The following ITGB3 variants were observed in gnomAD, a reference collection of about 807,000 sequenced individuals.
The protein encoded by ITGB3 is integrin beta-3.
ITGB3 carries 48 observed loss-of-function variants against 85.8 expected under a neutral mutation model. That is an observed-to-expected ratio of 0.56 (90% CI 0.44 to 0.71). ITGB3 has a LOEUF of 0.71. Among genes scored for constraint, ITGB3 ranks in the 30% least tolerant of loss-of-function variants. The pLI is 0.00. For missense variants in ITGB3, 861 were observed against 1,019.1 expected, an observed-to-expected ratio of 0.84 and a Z score of 2.11; for synonymous variants, 363 against 395.6, an observed-to-expected ratio of 0.92 and a Z score of 0.98.
At chr17:47,285,428 A>G (rs1429374158) in intron 4 of ITGB3, among the ~76,000 whole-genome samples, 1 of 152,152 alleles carries the variant, frequency 6.6e-6, no homozygotes, top group East Asian at 1.9e-4. Flanking sequence ...CCTAGGCAAC[A>G]TAGTGAGACC....
At chr17:47,275,681 G>A (rs2065061176) in intron 2 of ITGB3, among the ~76,000 whole-genome samples, 1 of 152,220 alleles carries the variant, frequency 6.6e-6, no homozygotes, top group East Asian at 1.9e-4. Flanking sequence ...CTGGGAGGCT[G>A]TGTTTATCAC....
chr17:47,258,781 C>A (rs2149058851), intron 1 of ITGB3, among the ~76,000 whole-genome samples: 1 of 152,294 alleles, frequency 6.6e-6, no homozygotes, highest in South Asian at 2.1e-4. Flanking sequence ...CTACCCTCAA[C>A]CCTCGTCGGT....
chr17:47,260,218 A>C (rs2149059314), intron 1 of ITGB3, among the ~76,000 whole-genome samples: 1 of 152,280 alleles, frequency 6.6e-6, no homozygotes, highest in East Asian at 1.9e-4. Context: ...CTTTTTCATC[A>C]GCTTGCTGGG....
chr17:47,292,169 G>A lies in ITGB3; in HGVS notation c.1291G>A (p.Gly431Ser). ...VSFSIEAKVRGCPQEKEKSFT... is the reference protein window; with the variant it reads ...VSFSIEAKVRSCPQEKEKSFT... ...CTTCAGCATTGAGGCCAAGGTGCGAGGCTGTCCCCAGGAGAAGGAGAAGTC... is the reference window on the plus strand; with the variant it reads ...CTTCAGCATTGAGGCCAAGGTGCGAAGCTGTCCCCAGGAGAAGGAGAAGTC... Residue 431 changes from glycine to serine, a missense_variant, in exon 10 of 15, where the codon GGC becomes AGC. Transcript: ENST00000559488. 2.5e-6 allele frequency: 4 copies of A among 1,614,204 alleles called. No individual in the cohort carries two copies. Among genetic ancestry groups the A allele is most frequent in the Non-Finnish European group, 3.4e-6 (4 of 1,180,034 alleles).
Position 47,307,473 on chromosome 17 carries a change from T to G in ITGB3, c.2137T>G (p.Cys713Gly). ...SILYVVEEPE[C>G]PKGPDILVVL... ...TGCTCTGTGCTTCTTCCTCACAGAG[T>G]GTCCCAAGGGCCCTGACATCCTGGT... Residue 713 changes from cysteine (C) to glycine (G), a missense_variant and splice_region_variant, in exon 14 of 15, where the codon TGT becomes GGT. Cys to Gly is a radical substitution (Grantham distance 159). Coordinates refer to ENST00000559488, the MANE Select transcript of ITGB3 (RefSeq NM_000212.3). The G allele has an allele frequency of 6.2e-7, 1 of 1,613,850 alleles. No individual in the cohort carries two copies. The highest frequency in any genetic ancestry group is 8.5e-7 in the Non-Finnish European group (1 of 1,180,004).
chr17:47,307,767 G>A, intron 14 of ITGB3, 130 bp downstream of exon 14: 1 of 885,268 alleles, frequency 1.1e-6, no homozygotes, highest in African/African-American at 1.7e-5. Context: ...CTGGAAACTG[G>A]GAGAGATGGT....
In ITGB3 at chr17:47,286,552, G is replaced by C. The variant is rs2065103530; in HGVS notation, c.777+130G>C. 12 of 1,108,308 alleles carry C rather than the reference G, an allele frequency of 1.1e-5. No individual in the cohort carries two copies. In the South Asian group the frequency reaches 1.5e-4, roughly 14 times the overall value. 68.7% of individuals were successfully genotyped at this position (1,108,308 alleles called of 1,614,324 possible). ...TAAGCAGGGCTTCCTGCAGTTATGA[G>C]TAGTAAGTTGCTCCTGATATTCAGC... On this transcript the variant is annotated intron_variant, in intron 5 of 14. Transcript: ENST00000559488.
chr17:47,289,568 G>T (rs980171033), intron 6 of ITGB3, 113 bp from the exon 7 acceptor site: 5 of 771,130 alleles, frequency 6.5e-6, no homozygotes, highest in Non-Finnish European at 1.1e-5. Flanking sequence ...GAAGTGAAAT[G>T]GTTTAAGCAC....
chr17:47,307,482 G>A lies in ITGB3; in HGVS notation c.2146G>A (p.Gly716Ser), dbSNP rs2065192932. The A allele has an allele frequency of 1.2e-6, 2 of 1,613,950 alleles. No homozygotes were observed. The highest frequency in any genetic ancestry group is 2.2e-5 in the South Asian group (2 of 91,060). Reference sequence around the variant, plus strand: ...CTTCTTCCTCACAGAGTGTCCCAAGGGCCCTGACATCCTGGTGGTCCTGCT... The same window carrying A: ...CTTCTTCCTCACAGAGTGTCCCAAGAGCCCTGACATCCTGGTGGTCCTGCT... The part of the protein sequence containing the change: ...YVVEEPECPK[G>S]PDILVVLLSV... Residue 716 changes from glycine to serine, a missense_variant, in exon 14 of 15, where the codon GGC (glycine) becomes AGC (serine). Gly to Ser is a moderately conservative substitution (Grantham distance 56). Transcript: ENST00000559488.
chr17:47,267,278 G>T (rs1319510992), intron 1 of ITGB3, among the ~76,000 whole-genome samples: 1 of 152,176 alleles, frequency 6.6e-6, no homozygotes, highest in African/African-American at 2.4e-5. Flanking sequence ...GTGGTAGGAG[G>T]TAGGAGTTGT....
intron 13 of ITGB3, among the ~76,000 whole-genome samples, chr17:47,304,239 T>C (rs1197289923): frequency 6.6e-6 from 1 of 152,232 alleles, no homozygotes; most frequent in Non-Finnish European, 1.5e-5. Flanking sequence ...TCCGCCTCCC[T>C]GCTCATCTCC....
chr17:47,292,686 T>C lies in ITGB3; in HGVS notation c.1690+118T>C, dbSNP rs563840072. The C allele has an allele frequency of 2.0e-5, 21 of 1,030,676 alleles. No individual in the cohort carries two copies. In the African/African-American group the frequency reaches 3.2e-4, roughly 16 times the overall value. 63.8% of individuals were successfully genotyped at this position (1,030,676 alleles called of 1,614,324 possible). A position where few individuals can be genotyped will look rare whatever the true frequency, so the allele number is the denominator to read the frequency against. Reference sequence around the variant, plus strand: ...CTTTGCAGGCAGAGGTGTAAGTCAGTGGTTCCTAATCTTTTTGAGTATAAG... The same window carrying C: ...CTTTGCAGGCAGAGGTGTAAGTCAGCGGTTCCTAATCTTTTTGAGTATAAG... On this transcript the variant is annotated intron_variant, in intron 10 of 14. Transcript: ENST00000559488.
intron 1 of ITGB3, among the ~76,000 whole-genome samples, chr17:47,272,278 T>C (rs905957283): frequency 6.6e-6 from 1 of 151,632 alleles, no homozygotes; most frequent in Non-Finnish European, 1.5e-5. Flanking sequence ...ATAGTCTTGA[T>C]CTCCTGACCT....
At chr17:47,281,626 G>A (rs893205350) in intron 2 of ITGB3, among the ~76,000 whole-genome samples, 2 of 152,162 alleles carry the variant, frequency 1.3e-5, no homozygotes, top group Admixed American at 1.3e-4. Flanking sequence ...TTTTGGAAGG[G>A]TACTCAATTT....
chr17:47,256,411 T>C (rs113762743), intron 1 of ITGB3, among the ~76,000 whole-genome samples: 3,417 of 152,126 alleles, frequency 0.022, 140 homozygotes, highest in African/African-American at 0.075. Context: ...ACACTCTCTC[T>C]GAGAAGCAGT....
intron 2 of ITGB3, among the ~76,000 whole-genome samples, chr17:47,282,587 C>G (rs2065087690): frequency 6.6e-6 from 1 of 152,166 alleles, no homozygotes; most frequent in Non-Finnish European, 1.5e-5. Flanking sequence ...TTAGCCCTGA[C>G]TCTCTCCTGC....
intron 13 of ITGB3, among the ~76,000 whole-genome samples, chr17:47,305,023 G>A (rs1035881095): frequency 2.0e-5 from 3 of 152,160 alleles, no homozygotes; most frequent in Non-Finnish European, 2.9e-5. Flanking sequence ...GAGGTCACCT[G>A]ATCTTGCCTT....
At chr17:47,274,652 C>T in intron 2 of ITGB3, 148 bp downstream of exon 2, 2 of 716,494 alleles carry the variant, frequency 2.8e-6, no homozygotes, top group Non-Finnish European at 5.0e-6. Context: ...CCCATTGATG[C>T]ATGGTGAGGA....
At chr17:47,255,092 G>T (rs1384663103) in intron 1 of ITGB3, among the ~76,000 whole-genome samples, 2 of 151,482 alleles carry the variant, frequency 1.3e-5, no homozygotes, top group Non-Finnish European at 2.9e-5. Flanking sequence ...GATTCTTCTG[G>T]CTCAGCCTCC....
Sources: allele counts gnomAD v4.1 joint callset (sites outside exome capture counted in the v4.1 genomes callset), GRCh38; gene constraint gnomAD v4.1.1; transcripts MANE v1.5; gene names NCBI Gene and HGNC (gene_info 2026-07-23, HGNC 2026-07-21).